DUSP16: variants seen among roughly 807,000 people sequenced by gnomAD.
DUSP16 encodes the protein dual specificity protein phosphatase 16.
Under a neutral mutation model 58.3 loss-of-function variants are expected in DUSP16, and 21 were observed. The observed-to-expected ratio is 0.36, with a 90% CI of 0.26 to 0.52. DUSP16 has a LOEUF of 0.52. Among genes scored for constraint, DUSP16 ranks in the 20% least tolerant of loss-of-function variants. The probability of loss-of-function intolerance (pLI) is 0.94; values close to 1 mark genes in which losing one functional copy is unlikely to be tolerated. For missense variants in DUSP16, 726 were observed against 819.0 expected (o/e 0.89, Z 1.39); for synonymous variants, 320 against 323.8 (o/e 0.99, Z 0.12).
At chr12:12,541,713 C>T (rs1944562667) in intron 1 of DUSP16, among the ~76,000 whole-genome samples, 1 of 152,108 alleles carries the variant, frequency 6.6e-6, no homozygotes, top group South Asian at 2.1e-4. Flanking sequence ...AGAGAAATAA[C>T]TGTGAAAAAA....
At chr12:12,557,887 G>C (rs183200244) in intron 1 of DUSP16, among the ~76,000 whole-genome samples, 1 of 152,306 alleles carries the variant, frequency 6.6e-6, no homozygotes, top group Admixed American at 6.5e-5. Context: ...TGCTGAATGA[G>C]ATGGGTGAAT....
intron 4 of DUSP16, among the ~76,000 whole-genome samples, chr12:12,499,483 A>AAC (rs1943879273): frequency 6.6e-6 from 1 of 151,110 alleles, no homozygotes; most frequent in South Asian, 2.1e-4. Flanking sequence ...AGGAGTTTTA[A>AAC]ACATACACAC....
chr12:12,514,526 G>A (rs1592186873), intron 3 of DUSP16, among the ~76,000 whole-genome samples: 1 of 152,116 alleles, frequency 6.6e-6, no homozygotes, highest in African/African-American at 2.4e-5. Flanking sequence ...CTTGAAAATG[G>A]TTCCTTTTTT....
At position 12,476,563 on chromosome 12, in the gene DUSP16, G is replaced by A. The variant is rs1216193088; in HGVS notation, c.*270C>T. On this transcript the variant is annotated 3_prime_UTR_variant, in exon 7 of 7. Transcript: ENST00000298573. ...CTTGCTTTTTTAAGAACAAGAGGATGTGTAATTCACTGAATAAAATGGTTT... is the reference window on the plus strand; with the variant it reads ...CTTGCTTTTTTAAGAACAAGAGGATATGTAATTCACTGAATAAAATGGTTT... 1 of 325,748 alleles carries A rather than the reference G, an allele frequency of 3.1e-6. No homozygotes were observed. Among genetic ancestry groups the A allele is most frequent in the African/African-American group, 2.2e-5 (1 of 46,492 alleles). The allele number at this position is 325,748 out of a possible 1,614,324, so 20.2% of individuals were successfully genotyped here. A position where few individuals can be genotyped will look rare whatever the true frequency, so the allele number is the denominator to read the frequency against.
chr12:12,507,081 A>G (rs1250403030), intron 3 of DUSP16, among the ~76,000 whole-genome samples: 2 of 152,234 alleles, frequency 1.3e-5, no homozygotes, highest in Admixed American at 6.5e-5. Context: ...TAAAATACAT[A>G]TAACAACTCT....
intron 1 of DUSP16, among the ~76,000 whole-genome samples, chr12:12,545,792 T>C (rs778037066): frequency 6.6e-6 from 1 of 152,124 alleles, no homozygotes; most frequent in Non-Finnish European, 1.5e-5. Flanking sequence ...AGAGAGTACA[T>C]GGATAAATAA....
At chr12:12,531,715 A>G (rs938122371) in intron 1 of DUSP16, among the ~76,000 whole-genome samples, 3 of 152,174 alleles carry the variant, frequency 2.0e-5, no homozygotes, top group African/African-American at 7.2e-5. Context: ...TACTAAAAAT[A>G]CAAAAATTCA....
chr12:12,538,743 G>A (rs563163179), intron 1 of DUSP16, among the ~76,000 whole-genome samples: 36 of 152,300 alleles, frequency 2.4e-4, no homozygotes, highest in Non-Finnish European at 4.1e-4. Context: ...CAACAGCCTC[G>A]GCAGGACTCT....
chr12:12,515,626 C>A (rs528841955), intron 3 of DUSP16, among the ~76,000 whole-genome samples: 48 of 150,874 alleles, frequency 3.2e-4, no homozygotes, highest in African/African-American at 1.0e-3. Flanking sequence ...CCGCACCTGG[C>A]CAATATGAAT....
chr12:12,535,374 T>G (rs1944450298), intron 1 of DUSP16, among the ~76,000 whole-genome samples: 1 of 152,260 alleles, frequency 6.6e-6, no homozygotes, highest in African/African-American at 2.4e-5. Flanking sequence ...AAACATCTGC[T>G]TCTACAAATC....
intron 1 of DUSP16, among the ~76,000 whole-genome samples, chr12:12,548,744 G>C (rs1174501540): frequency 6.6e-6 from 1 of 151,724 alleles, no homozygotes; most frequent in Non-Finnish European, 1.5e-5. Context: ...ATCTAAAGGT[G>C]TCAAGAACTG....
chr12:12,483,388 T>C (rs1298853478), intron 5 of DUSP16, among the ~76,000 whole-genome samples: 1 of 152,066 alleles, frequency 6.6e-6, no homozygotes, highest in Non-Finnish European at 1.5e-5. Context: ...ATCTTTTTGG[T>C]TTACTTTTTT....
At chr12:12,546,790 G>C (rs989314361) in intron 1 of DUSP16, among the ~76,000 whole-genome samples, 2 of 152,160 alleles carry the variant, frequency 1.3e-5, no homozygotes, top group Non-Finnish European at 1.5e-5. Flanking sequence ...AACATTTTAA[G>C]TCATGGCACC....
chr12:12,501,235 C>T (rs902868750), intron 3 of DUSP16, among the ~76,000 whole-genome samples: 1 of 152,190 alleles, frequency 6.6e-6, no homozygotes, highest in African/African-American at 2.4e-5. Flanking sequence ...TCTGGGGATT[C>T]CCTGGGCAGT....
At position 12,487,073 on chromosome 12, in the gene DUSP16, A is replaced by C; in HGVS notation, c.646T>G (p.Cys216Gly). The C allele has an allele frequency of 6.2e-7, 1 of 1,614,170 alleles. No individual in the cohort carries two copies. ...TCCAACCACGGCAAAATTTTCTCAC[A>C]AAAGCTGTCATTCACAGGCACACGC... ...FLRVPVNDSF[C>G]EKILPWLDKS... The change falls in exon 5 of 7, where the codon TGT becomes GGT. Residue 216 changes from cysteine (C) to glycine (G), a missense_variant. Coordinates refer to ENST00000298573, the MANE Select transcript of DUSP16 (RefSeq NM_030640.3).
chr12:12,560,488 T>A (rs1288588656), intron 1 of DUSP16, among the ~76,000 whole-genome samples: 11 of 152,188 alleles, frequency 7.2e-5, no homozygotes, highest in Admixed American at 6.5e-5. Flanking sequence ...TTAAAAAAAA[T>A]TTTAATGCAA....
At position 12,500,593 on chromosome 12, in the gene DUSP16, G is replaced by A; in HGVS notation, c.457C>T (p.Pro153Ser). 8.1e-6 allele frequency: 13 copies of A among 1,612,168 alleles called. No homozygotes were observed. The highest frequency in any genetic ancestry group is 1.1e-5 in the Non-Finnish European group (13 of 1,179,256). ...CGGGTTGGCCCAATGTTGGCAACAG[G>A]TAAGCAAGGCTGAGAAATGCAGGTA... ...VPTCISQPCL[P>S]VANIGPTRIL... is the part of the protein sequence containing the mutation. The change falls in exon 4 of 7, where the codon CCT becomes TCT. Residue 153 changes from proline to serine, a missense_variant. Coordinates refer to ENST00000298573, the MANE Select transcript of DUSP16 (RefSeq NM_030640.3).
chr12:12,529,613 T>C (rs1944356759), intron 1 of DUSP16, among the ~76,000 whole-genome samples: 1 of 152,220 alleles, frequency 6.6e-6, no homozygotes, highest in Non-Finnish European at 1.5e-5. Context: ...GTGGTCACCA[T>C]GCTGTACAAT....
chr12:12,515,281 T>C (rs1369653835), intron 3 of DUSP16, among the ~76,000 whole-genome samples: 2 of 151,966 alleles, frequency 1.3e-5, no homozygotes, highest in Non-Finnish European at 2.9e-5. Context: ...TATAAAATCA[T>C]TATTATGATA....
Sources: gnomAD v4.1 joint callset for allele counts (sites outside exome capture counted in the v4.1 genomes callset) on GRCh38, gnomAD v4.1.1 for gene constraint, MANE v1.5 for transcripts, NCBI Gene and HGNC (gene_info 2026-07-23, HGNC 2026-07-21) for gene names.